The following MYO16 variants were observed in gnomAD, a reference collection of about 807,000 sequenced individuals.
The protein encoded by MYO16 is myosin XVI, also known as unconventional myosin-XVI.
MYO16 carries 94 observed loss-of-function variants against 205.3 expected under a neutral mutation model. That is an observed-to-expected ratio of 0.46 (90% CI 0.39 to 0.54). MYO16 has a LOEUF of 0.54. MYO16 is among the 20% of genes least tolerant of loss of function. The pLI is 0.00. For missense variants in MYO16, 2,315 were observed against 2,387.5 expected (o/e 0.97, Z 0.63); for synonymous variants, 988 against 954.0 (o/e 1.04, Z -0.66).
rs1195837836 is a variant in MYO16 at position 109,206,859 on chromosome 13, C to A, written c.*23C>A. 6.3e-7 allele frequency: 1 copy of A among 1,595,080 alleles called. No homozygotes were observed. Among genetic ancestry groups the A allele is most frequent in the East Asian group, 2.3e-5 (1 of 44,310 alleles). On this transcript the variant is annotated 3_prime_UTR_variant, in exon 35 of 35. Transcript: ENST00000457511. The stretch of plus-strand genomic sequence containing the variant: ...TGATGTGGCCTGAACTGCAGACTTA[C>A]AAAATAGAACTGCCTACTGATTCCG...
intron 4 of MYO16, among the ~76,000 whole-genome samples, chr13:108,766,842 G>C (rs996608095): frequency 1.3e-5 from 2 of 152,188 alleles, no homozygotes; most frequent in African/African-American, 4.8e-5. Flanking sequence ...TGTCCTTGAA[G>C]ATAAAGGGCA....
chr13:108,825,392 A>G (rs1876196105), intron 9 of MYO16, among the ~76,000 whole-genome samples: 1 of 151,994 alleles, frequency 6.6e-6, no homozygotes. Context: ...AAATTTTCTC[A>G]ACCTGATAAG....
chr13:108,642,243 G>A (rs555751600), intron 1 of MYO16, among the ~76,000 whole-genome samples: 1 of 152,256 alleles, frequency 6.6e-6, no homozygotes, highest in Middle Eastern at 3.4e-3. Context: ...GACAGTGCAG[G>A]TACAGGCACT....
At chr13:108,611,958 CTTTTTTTTTTTTTCTTTTTTTT>C (rs1181360819) in intron 1 of MYO16, among the ~76,000 whole-genome samples, 1 of 101,922 alleles carries the variant, frequency 9.8e-6, no homozygotes, top group Non-Finnish European at 2.0e-5. Context: ...AGGTAATATT[CTTTTTTTTTTTTTCTTTTTTTT>C]TTTTTTTTTT....
At chr13:108,650,226 C>T (rs1457967195) in intron 1 of MYO16, among the ~76,000 whole-genome samples, 1 of 151,728 alleles carries the variant, frequency 6.6e-6, no homozygotes, top group Non-Finnish European at 1.5e-5. Flanking sequence ...TACACACATA[C>T]ATACATACTT....
At chr13:108,948,036 A>C (rs986997505) in intron 16 of MYO16, among the ~76,000 whole-genome samples, 10 of 152,258 alleles carry the variant, frequency 6.6e-5, no homozygotes, top group African/African-American at 2.4e-4. Flanking sequence ...GTTAATAAAA[A>C]GTTGTACTCA....
At chr13:108,554,572 G>A in the MYO16 span, among the ~76,000 whole-genome samples, 36 of 151,980 alleles carry the variant, frequency 2.4e-4, no homozygotes, top group African/African-American at 6.0e-4. Flanking sequence ...TGTCTCAGCC[G>A]GGCGTGGTGG....
At chr13:108,580,331 C>T in the MYO16 span, among the ~76,000 whole-genome samples, 1 of 152,174 alleles carries the variant, frequency 6.6e-6, no homozygotes, top group African/African-American at 2.4e-5. Flanking sequence ...CCAAAAGATA[C>T]ATGTGCGACA....
chr13:109,181,826 A>AT lies in MYO16; in HGVS notation c.5415+2204dup, dbSNP rs950434173. On this transcript the variant is annotated intron_variant, in intron 34 of 34. Coordinates refer to ENST00000457511, the MANE Select transcript of MYO16 (RefSeq NM_001198950.3). The stretch of plus-strand genomic sequence containing the variant: ...TTTATTTATTTATTTATTTTATTTT[A>AT]TTTTTTTTTTTGAGACAGAGTTTAA... Among the ~76,000 whole-genome samples, 907 of 144,692 alleles carry AT rather than the reference A, an allele frequency of 6.3e-3. 9 individuals are homozygous for AT. The highest frequency in any genetic ancestry group is 0.018 in the African/African-American group (713 of 39,022). The allele number at this position is 144,692 out of a possible 152,430, so 94.9% of individuals were successfully genotyped here.
chr13:108,535,274 GACAA>G, the MYO16 span, among the ~76,000 whole-genome samples: 13 of 152,106 alleles, frequency 8.5e-5, no homozygotes, highest in Non-Finnish European at 1.3e-4. Context: ...TGGATAATGT[GACAA>G]ACAAACAAAC....
chr13:108,735,627 G>C (rs958225181), intron 4 of MYO16, among the ~76,000 whole-genome samples: 4 of 151,282 alleles, frequency 2.6e-5, no homozygotes, highest in Non-Finnish European at 5.9e-5. Flanking sequence ...CTTTATAGCA[G>C]CATGATTTAT....
At chr13:109,026,376 G>C (rs1454416056) in intron 23 of MYO16, among the ~76,000 whole-genome samples, 4 of 152,076 alleles carry the variant, frequency 2.6e-5, no homozygotes, top group South Asian at 2.1e-4. Flanking sequence ...ACCACGGGGG[G>C]AGGTATTGAA....
intron 16 of MYO16, among the ~76,000 whole-genome samples, chr13:108,940,033 T>A (rs9583311): frequency 0.11 from 16,009 of 152,206 alleles, 1,044 homozygotes; most frequent in Middle Eastern, 0.24. Flanking sequence ...TTTTCTTAAT[T>A]GTCTCTTACA....
At chr13:108,820,015 T>C (rs1875877353) in intron 7 of MYO16, among the ~76,000 whole-genome samples, 1 of 152,212 alleles carries the variant, frequency 6.6e-6, no homozygotes, top group South Asian at 2.1e-4. Flanking sequence ...AAATACATTT[T>C]TACTGTTATG....
chr13:108,835,178 C>T (rs1035193204), intron 9 of MYO16, among the ~76,000 whole-genome samples: 11 of 152,244 alleles, frequency 7.2e-5, no homozygotes, highest in South Asian at 2.1e-4. Context: ...CCATAATCCC[C>T]GCATTCCCTG....
intron 2 of MYO16, among the ~76,000 whole-genome samples, chr13:108,671,695 G>A (rs1328922903): frequency 6.6e-6 from 1 of 152,116 alleles, no homozygotes; most frequent in Non-Finnish European, 1.5e-5. Context: ...CAGACTAAAC[G>A]GCTTACACAG....
chr13:108,748,120 C>T (rs192831802), intron 4 of MYO16, among the ~76,000 whole-genome samples: 1 of 151,874 alleles, frequency 6.6e-6, no homozygotes, highest in Middle Eastern at 3.2e-3. Context: ...ATAAAACAGA[C>T]CTTAAAAATT....
At chr13:108,525,059 G>C in the MYO16 span, among the ~76,000 whole-genome samples, 1 of 151,968 alleles carries the variant, frequency 6.6e-6, no homozygotes, top group African/African-American at 2.4e-5. Context: ...AGAGAGTGAA[G>C]TGTCTGGGAG....
chr13:108,801,265 A>G (rs892197653), intron 6 of MYO16, among the ~76,000 whole-genome samples: 6 of 152,244 alleles, frequency 3.9e-5, no homozygotes, highest in African/African-American at 1.4e-4. Flanking sequence ...AAGTAAATGC[A>G]AATTATTTGA....
Sources: allele counts gnomAD v4.1 joint callset (sites outside exome capture counted in the v4.1 genomes callset), GRCh38; gene constraint gnomAD v4.1.1; transcripts MANE v1.5; gene names NCBI Gene and HGNC (gene_info 2026-07-23, HGNC 2026-07-21).